The following EZR variants were observed in gnomAD, a reference collection of about 807,000 sequenced individuals.
EZR encodes cytovillin 2.
EZR carries 40 observed loss-of-function variants against 74.8 expected under a neutral mutation model. The ratio of observed to expected loss-of-function variants is 0.53; its 90% CI spans 0.42 to 0.70. The LOEUF is 0.70. EZR is among the 30% of genes least tolerant of loss of function. The pLI is 0.00. For missense variants in EZR, 678 were observed against 755.8 expected (o/e 0.90, Z 1.21); for synonymous variants, 341 against 283.3 (o/e 1.20, Z -2.05).
intron 2 of EZR, among the ~76,000 whole-genome samples, chr6:158,807,504 C>T (rs1235147843): frequency 6.6e-6 from 1 of 152,014 alleles, no homozygotes; most frequent in Non-Finnish European, 1.5e-5. Context: ...ATCACCAAAC[C>T]CTTGCAAAAA....
chr6:158,767,596 G>A (rs745352047), intron 12 of EZR, 84 bp from the exon 13 acceptor site: 85 of 1,425,236 alleles, frequency 6.0e-5, no homozygotes, highest in Admixed American at 1.8e-4. Flanking sequence ...ACCTCCCTCT[G>A]TCCTGGCAGG....
chr6:158,816,282 C>T (rs1162847717), intron 2 of EZR, among the ~76,000 whole-genome samples: 2 of 152,038 alleles, frequency 1.3e-5, no homozygotes, highest in African/African-American at 2.4e-5. Context: ...GTACTTAATA[C>T]CTTGAAATGT....
intron 2 of EZR, among the ~76,000 whole-genome samples, chr6:158,804,484 T>C (rs981967619): frequency 1.3e-5 from 2 of 152,220 alleles, no homozygotes; most frequent in Non-Finnish European, 2.9e-5. Context: ...AGGTATATCA[T>C]AAATACTTCA....
chr6:158,798,028 GTCTCTAAGGAATGGCCTAT>G (rs1460648254), intron 2 of EZR, among the ~76,000 whole-genome samples: 1 of 152,204 alleles, frequency 6.6e-6, no homozygotes, highest in African/African-American at 2.4e-5. Context: ...TCTACTTTCT[GTCTCTAAGGAATGGCCTAT>G]TCTGGACATT....
intron 2 of EZR, among the ~76,000 whole-genome samples, chr6:158,796,775 C>T (rs1272164800): frequency 2.0e-5 from 3 of 152,326 alleles, no homozygotes; most frequent in African/African-American, 4.8e-5. Context: ...CAGTCCAAGA[C>T]GGGGCCACAG....
chr6:158,777,832 C>CT (rs1174110705), intron 7 of EZR, among the ~76,000 whole-genome samples: 1 of 152,192 alleles, frequency 6.6e-6, no homozygotes, highest in Non-Finnish European at 1.5e-5. Context: ...GGACACTGGC[C>CT]AGACCATGGT....
At chr6:158,767,945 TTGAGC>T (rs1790957456) in intron 12 of EZR, among the ~76,000 whole-genome samples, 1 of 151,698 alleles carries the variant, frequency 6.6e-6, no homozygotes, top group Admixed American at 6.6e-5. Context: ...AGCCCTAGAG[TTGAGC>T]TTAGTGTGGA....
intron 12 of EZR, 31 bp downstream of exon 12, chr6:158,769,295 C>A (rs1791019163): frequency 6.3e-7 from 1 of 1,593,926 alleles, no homozygotes; most frequent in East Asian, 2.2e-5. Context: ...GGTGCTGTGG[C>A]CGTGCGGAGG....
chr6:158,776,333 T>C, intron 8 of EZR, 75 bp downstream of exon 8: 5 of 1,217,732 alleles, frequency 4.1e-6, no homozygotes, highest in Non-Finnish European at 6.1e-6. Context: ...CTCGTCACAG[T>C]ATAACTTGTC....
chr6:158,808,404 T>C (rs1777386551), intron 2 of EZR, among the ~76,000 whole-genome samples: 1 of 152,192 alleles, frequency 6.6e-6, no homozygotes. Context: ...CCTGTTGAAG[T>C]CAACAGAGGT....
chr6:158,809,320 G>A (rs374595466), intron 2 of EZR, among the ~76,000 whole-genome samples: 6 of 152,306 alleles, frequency 3.9e-5, no homozygotes, highest in African/African-American at 1.4e-4. Context: ...GACTATAGTA[G>A]ATCAAAAGCT....
chr6:158,795,381 G>C (rs892868497), intron 2 of EZR, among the ~76,000 whole-genome samples: 8 of 152,066 alleles, frequency 5.3e-5, no homozygotes, highest in Admixed American at 6.5e-5. Context: ...AGACTACCCT[G>C]GGCAACATAG....
chr6:158,810,500 A>T (rs1486662383), intron 2 of EZR, among the ~76,000 whole-genome samples: 1 of 152,220 alleles, frequency 6.6e-6, no homozygotes. Flanking sequence ...AGGCAAAACC[A>T]ATCTTATTTT....
intron 1 of EZR, 57 bp from the exon 2 acceptor site, chr6:158,818,223 G>T: frequency 1.0e-6 from 1 of 983,994 alleles, no homozygotes; most frequent in South Asian, 1.8e-5. Context: ...TCCTCCTGCC[G>T]CGCCCGACAC....
chr6:158,810,886 C>T (rs1777438666), intron 2 of EZR, among the ~76,000 whole-genome samples: 2 of 152,188 alleles, frequency 1.3e-5, no homozygotes, highest in African/African-American at 2.4e-5. Flanking sequence ...ATTCTTTCCA[C>T]TTAAAAACTA....
At chr6:158,770,960 C>T in intron 9 of EZR, 66 bp from the exon 10 acceptor site, 6 of 1,608,030 alleles carry the variant, frequency 3.7e-6, no homozygotes, top group Non-Finnish European at 5.1e-6. Context: ...GGTCAACACA[C>T]TTCACGGGTA....
In EZR at chr6:158,776,538, G is replaced by A. The variant is rs201893923; in HGVS notation, c.699-34C>T. 11 of 1,429,262 alleles carry A rather than the reference G, an allele frequency of 7.7e-6. No individual in the cohort carries two copies. In the East Asian group the frequency reaches 1.1e-4, roughly 15 times the overall value. 88.5% of individuals were successfully genotyped at this position (1,429,262 alleles called of 1,614,324 possible). A position where few individuals can be genotyped will look rare whatever the true frequency, so the allele number is the denominator to read the frequency against. ...AAAAAGAAGAAGTGGATGGTTAGAT[G>A]TATACATATGTTCTTGGATTGGCTA... On this transcript the variant is annotated intron_variant, in intron 7 of 13. Coordinates refer to ENST00000367075, the MANE Select transcript of EZR (RefSeq NM_001111077.2).
intron 7 of EZR, 53 bp downstream of exon 7, chr6:158,783,467 G>GT: frequency 6.6e-7 from 1 of 1,506,554 alleles, no homozygotes; most frequent in Non-Finnish European, 9.0e-7. Context: ...TTTTGCCATT[G>GT]TTTCCAGGCC....
At chr6:158,804,768 T>TC (rs1777297078) in intron 2 of EZR, among the ~76,000 whole-genome samples, 1 of 149,838 alleles carries the variant, frequency 6.7e-6, no homozygotes, top group Non-Finnish European at 1.5e-5. Context: ...TTTTTCTTAT[T>TC]TTTTTTTATT....
Sources: gnomAD v4.1 joint callset for allele counts (sites outside exome capture counted in the v4.1 genomes callset) on GRCh38, gnomAD v4.1.1 for gene constraint, MANE v1.5 for transcripts, NCBI Gene and HGNC (gene_info 2026-07-23, HGNC 2026-07-21) for gene names.